IQCJ: variants seen among roughly 807,000 people sequenced by gnomAD.
IQCJ encodes the protein IQ domain-containing protein J.
Under a neutral mutation model 11.0 loss-of-function variants are expected in IQCJ, and 9 were observed. The observed-to-expected ratio is 0.82, with a 90% CI of 0.49 to 1.43. IQCJ has a LOEUF of 1.43. Ranked by LOEUF, IQCJ falls within the 40% of genes most tolerant of loss-of-function variation. The probability of loss-of-function intolerance (pLI) is 0.00; values close to 1 mark genes in which losing one functional copy is unlikely to be tolerated. For synonymous variants in IQCJ, 55 were observed against 51.3 expected (o/e 1.07, Z -0.31); for missense variants, 146 against 133.2 (o/e 1.10, Z -0.47).
intron 1 of IQCJ, among the ~76,000 whole-genome samples, chr3:159,241,582 T>C (rs369252551): frequency 6.6e-6 from 1 of 152,196 alleles, no homozygotes; most frequent in Non-Finnish European, 1.5e-5. Context: ...ATTATATTTT[T>C]CCTTCAGTTA....
At chr3:159,070,338 G>A (rs1715479813) in intron 1 of IQCJ, among the ~76,000 whole-genome samples, 1 of 152,026 alleles carries the variant, frequency 6.6e-6, no homozygotes, top group South Asian at 2.1e-4. Context: ...TTGTCTCATT[G>A]GGTGAGATTT....
At chr3:159,243,127 C>T (rs1727037186) in intron 1 of IQCJ, among the ~76,000 whole-genome samples, 1 of 152,154 alleles carries the variant, frequency 6.6e-6, no homozygotes, top group Non-Finnish European at 1.5e-5. Context: ...AGCTAGACTT[C>T]TCTTACATTG....
intron 1 of IQCJ, among the ~76,000 whole-genome samples, chr3:159,092,699 A>AACACACACACACACAC (rs57083405): frequency 0.053 from 7,538 of 141,478 alleles, 320 homozygotes; most frequent in African/African-American, 0.093. Flanking sequence ...CTCCATCACA[A>AACACACACACACACAC]ACACACACAC....
rs146317059 is a variant in IQCJ at position 159,163,522 on chromosome 3, G to A, written c.10-82321G>A. Among the ~76,000 whole-genome samples, 1,087 of 152,246 alleles carry A rather than the reference G, an allele frequency of 7.1e-3. 35 individuals carry two copies. Among genetic ancestry groups the A allele is most frequent in the Admixed American group, 0.054 (828 of 15,282 alleles). On this transcript the variant is annotated intron_variant, in intron 1 of 3. Coordinates refer to ENST00000397832, the MANE Select transcript of IQCJ (RefSeq NM_001042706.3). ...CCTTTGAAAACTGGCACAAGACAGG[G>A]ATGCCCTAATTTTTGTATTTTTAGT...
At chr3:159,242,731 C>T (rs1480741712) in intron 1 of IQCJ, among the ~76,000 whole-genome samples, 1 of 151,982 alleles carries the variant, frequency 6.6e-6, no homozygotes, top group African/African-American at 2.4e-5. Flanking sequence ...ATGAACTATA[C>T]ATTTTCTAAG....
chr3:159,070,630 T>C (rs987993750), intron 1 of IQCJ, among the ~76,000 whole-genome samples: 1 of 152,108 alleles, frequency 6.6e-6, no homozygotes, highest in African/African-American at 2.4e-5. Context: ...TGCATTATGC[T>C]CTTTTTGAGA....
At chr3:159,157,554 A>C (rs1198152270) in intron 1 of IQCJ, among the ~76,000 whole-genome samples, 1 of 152,184 alleles carries the variant, frequency 6.6e-6, no homozygotes, top group Non-Finnish European at 1.5e-5. Flanking sequence ...TTTTTTAAAA[A>C]ATGTTTTGAA....
chr3:159,257,152 A>G (rs1447135511), intron 3 of IQCJ, among the ~76,000 whole-genome samples: 3 of 152,206 alleles, frequency 2.0e-5, no homozygotes, highest in Non-Finnish European at 4.4e-5. Flanking sequence ...CCTACTTGTC[A>G]TATATCCCAG....
chr3:159,077,699 G>A (rs1291760327), intron 1 of IQCJ, among the ~76,000 whole-genome samples: 1 of 152,038 alleles, frequency 6.6e-6, no homozygotes, highest in East Asian at 1.9e-4. Context: ...TGAGAAACTG[G>A]TGTTTACCAT....
intron 1 of IQCJ, among the ~76,000 whole-genome samples, chr3:159,168,821 C>G (rs1722322255): frequency 6.6e-6 from 1 of 151,658 alleles, no homozygotes; most frequent in South Asian, 2.1e-4. Context: ...AAAAAAAACC[C>G]AAAGAACAAA....
intron 1 of IQCJ, among the ~76,000 whole-genome samples, chr3:159,144,036 C>T (rs146047663): frequency 2.6e-5 from 4 of 152,218 alleles, no homozygotes; most frequent in Admixed American, 6.5e-5. Context: ...GCATACTAAT[C>T]GATTCATGAG....
At chr3:159,081,074 T>G (rs1716272590) in intron 1 of IQCJ, among the ~76,000 whole-genome samples, 1 of 152,072 alleles carries the variant, frequency 6.6e-6, no homozygotes, top group Admixed American at 6.6e-5. Flanking sequence ...GACTCCTGCC[T>G]TTTTTCAGAG....
chr3:159,150,053 C>T (rs901986572), intron 1 of IQCJ, among the ~76,000 whole-genome samples: 7 of 152,216 alleles, frequency 4.6e-5, no homozygotes, highest in African/African-American at 1.4e-4. Flanking sequence ...CTGCTTTTAT[C>T]TACTTCTTTA....
intron 1 of IQCJ, among the ~76,000 whole-genome samples, chr3:159,167,680 G>GT (rs1722250045): frequency 6.6e-6 from 1 of 152,188 alleles, no homozygotes; most frequent in Non-Finnish European, 1.5e-5. Flanking sequence ...TATTGGATGA[G>GT]TTTCTACCAG....
intron 1 of IQCJ, among the ~76,000 whole-genome samples, chr3:159,197,006 T>A (rs1303782910): frequency 6.6e-6 from 1 of 151,496 alleles, no homozygotes; most frequent in Non-Finnish European, 1.5e-5. Context: ...ATGTTGATCA[T>A]TTTCTGTACT....
At chr3:159,083,432 G>T (rs1233513583) in intron 1 of IQCJ, among the ~76,000 whole-genome samples, 1 of 152,096 alleles carries the variant, frequency 6.6e-6, no homozygotes, top group Non-Finnish European at 1.5e-5. Flanking sequence ...TATCAAATCA[G>T]AATGGCTAAA....
chr3:159,125,444 G>T (rs1387521426), intron 1 of IQCJ, among the ~76,000 whole-genome samples: 1 of 152,146 alleles, frequency 6.6e-6, no homozygotes, highest in African/African-American at 2.4e-5. Flanking sequence ...AATAAAGCAT[G>T]GGCTTTTGTT....
At chr3:159,220,849 A>T (rs1725494808) in intron 1 of IQCJ, among the ~76,000 whole-genome samples, 1 of 152,180 alleles carries the variant, frequency 6.6e-6, no homozygotes, top group Non-Finnish European at 1.5e-5. Context: ...ACAAAGTTAC[A>T]GTTCAGGTGA....
intron 1 of IQCJ, among the ~76,000 whole-genome samples, chr3:159,164,071 A>G (rs994227357): frequency 1.3e-5 from 2 of 152,236 alleles, no homozygotes; most frequent in Non-Finnish European, 2.9e-5. Context: ...TTCAAAGTAT[A>G]ATTGTGCTAT....
Sources: gnomAD v4.1 joint callset for allele counts (sites outside exome capture counted in the v4.1 genomes callset) on GRCh38, gnomAD v4.1.1 for gene constraint, MANE v1.5 for transcripts, NCBI Gene and HGNC (gene_info 2026-07-23, HGNC 2026-07-21) for gene names.